CFAP299: variants seen among roughly 807,000 people sequenced by gnomAD.
The protein encoded by CFAP299 is cilia and flagella associated protein 299.
CFAP299 carries 21 observed loss-of-function variants against 27.0 expected under a neutral mutation model. The observed-to-expected ratio is 0.78, with a 90% confidence interval of 0.55 to 1.12. CFAP299 has a LOEUF of 1.12. Ranked by LOEUF, CFAP299 falls within the 50% of genes most tolerant of loss-of-function variation. CFAP299 has a pLI of 0.00. For synonymous variants in CFAP299, 104 were observed against 98.1 expected (o/e 1.06, Z -0.36); for missense variants, 310 against 276.6 (o/e 1.12, Z -0.86).
chr4:80,902,232 A>G (rs1216798919), intron 4 of CFAP299, among the ~76,000 whole-genome samples: 1 of 151,360 alleles, frequency 6.6e-6, no homozygotes, highest in East Asian at 1.9e-4. Context: ...ATGAAAATAA[A>G]GTCTATCCTG....
At chr4:80,782,079 C>A (rs576746462) in intron 3 of CFAP299, among the ~76,000 whole-genome samples, 1 of 152,166 alleles carries the variant, frequency 6.6e-6, no homozygotes, top group African/African-American at 2.4e-5. Flanking sequence ...CCCTTTTAGC[C>A]TATGTGTTCA....
intron 3 of CFAP299, among the ~76,000 whole-genome samples, chr4:80,765,300 G>A (rs1416463507): frequency 6.6e-6 from 1 of 152,126 alleles, no homozygotes; most frequent in Non-Finnish European, 1.5e-5. Flanking sequence ...TGCTGAAACA[G>A]TCTCAGGAAG....
intron 3 of CFAP299, among the ~76,000 whole-genome samples, chr4:80,638,769 A>G (rs541565568): frequency 6.6e-6 from 1 of 152,086 alleles, no homozygotes; most frequent in Non-Finnish European, 1.5e-5. Flanking sequence ...GCCTGCAGTC[A>G]CTCTTAGGTT....
At chr4:80,735,800 T>C (rs1459521295) in intron 3 of CFAP299, among the ~76,000 whole-genome samples, 2 of 152,200 alleles carry the variant, frequency 1.3e-5, no homozygotes, top group African/African-American at 4.8e-5. Context: ...TTGGTCATCA[T>C]GAATAATCTT....
At chr4:80,759,386 G>A (rs1725428749) in intron 3 of CFAP299, among the ~76,000 whole-genome samples, 1 of 152,146 alleles carries the variant, frequency 6.6e-6, no homozygotes, top group Non-Finnish European at 1.5e-5. Flanking sequence ...TGATTAAAGG[G>A]AAAGCTTTAA....
chr4:80,839,889 C>G (rs1730768929), intron 3 of CFAP299, among the ~76,000 whole-genome samples: 1 of 151,972 alleles, frequency 6.6e-6, no homozygotes, highest in South Asian at 2.1e-4. Flanking sequence ...CAAGAAATGA[C>G]CAGGGTTCTA....
At position 80,763,943 on chromosome 4, in the gene CFAP299, A is replaced by G. The variant is rs536196475; in HGVS notation, c.334-106050A>G. ...ACTGGACCCCTTCCTTATACCTTAT[A>G]CAAAAATTAAGTGAAGATGGATTAA... On this transcript the variant is annotated intron_variant, in intron 3 of 5. Coordinates refer to ENST00000358105, the MANE Select transcript of CFAP299 (RefSeq NM_152770.3). Among the ~76,000 whole-genome samples the G allele has an allele frequency of 4.5e-4, 69 of 152,356 alleles. 1 individual carries two copies. The highest frequency in any genetic ancestry group is 1.6e-3 in the African/African-American group (67 of 41,584).
intron 4 of CFAP299, among the ~76,000 whole-genome samples, chr4:80,925,622 T>G (rs1736269837): frequency 6.6e-6 from 1 of 152,010 alleles, no homozygotes; most frequent in African/African-American, 2.4e-5. Context: ...GGCAGATTAT[T>G]TGGTACAAGT....
At chr4:80,742,754 T>C (rs546935388) in intron 3 of CFAP299, among the ~76,000 whole-genome samples, 5 of 152,304 alleles carry the variant, frequency 3.3e-5, no homozygotes, top group South Asian at 2.1e-4. Context: ...GAGTGAGATG[T>C]AGAAGAGCAG....
chr4:80,858,831 A>G (rs1206548590), intron 3 of CFAP299, among the ~76,000 whole-genome samples: 4 of 152,048 alleles, frequency 2.6e-5, no homozygotes, highest in African/African-American at 9.7e-5. Flanking sequence ...ACTTCCAACT[A>G]TGTGGTCAAT....
At chr4:80,631,103 T>C (rs1739182024) in intron 3 of CFAP299, among the ~76,000 whole-genome samples, 1 of 152,106 alleles carries the variant, frequency 6.6e-6, no homozygotes, top group Admixed American at 6.5e-5. Flanking sequence ...TTCACATCAA[T>C]TGGCCCAGCC....
intron 2 of CFAP299, among the ~76,000 whole-genome samples, chr4:80,550,070 C>T (rs1011038343): frequency 6.6e-6 from 1 of 151,726 alleles, no homozygotes; most frequent in African/African-American, 2.4e-5. Context: ...TATCTTTGTA[C>T]TTCTAATATT....
chr4:80,349,078 G>A (rs1430742142), intron 1 of CFAP299, among the ~76,000 whole-genome samples: 2 of 152,170 alleles, frequency 1.3e-5, no homozygotes, highest in Non-Finnish European at 2.9e-5. Context: ...TGAAACGTCT[G>A]TCAGGTGCTC....
At chr4:80,602,998 C>A (rs975579403) in intron 3 of CFAP299, among the ~76,000 whole-genome samples, 1 of 151,960 alleles carries the variant, frequency 6.6e-6, no homozygotes, top group Admixed American at 6.6e-5. Flanking sequence ...GAGGTGCTGG[C>A]GGTGTGTGCC....
At chr4:80,578,353 T>C (rs7686715) in intron 2 of CFAP299, among the ~76,000 whole-genome samples, 95,520 of 152,046 alleles carry the variant, frequency 0.63, 33,416 homozygotes, top group Non-Finnish European at 0.78. Context: ...ATATTTCCTC[T>C]TGCTAAGAAG....
At chr4:80,481,528 T>A (rs1039054) in intron 2 of CFAP299, among the ~76,000 whole-genome samples, 1 of 151,960 alleles carries the variant, frequency 6.6e-6, no homozygotes, top group East Asian at 1.9e-4. Context: ...ATTTTGATAA[T>A]GTGGAATTTT....
At chr4:80,587,073 A>G (rs544586511) in intron 3 of CFAP299, among the ~76,000 whole-genome samples, 83 of 152,292 alleles carry the variant, frequency 5.5e-4, no homozygotes, top group Non-Finnish European at 9.6e-4. Context: ...GACCAATAAC[A>G]TTGTGCTGAC....
chr4:80,324,635 C>G, the CFAP299 span, among the ~76,000 whole-genome samples: 2 of 152,144 alleles, frequency 1.3e-5, no homozygotes, highest in Non-Finnish European at 2.9e-5. Flanking sequence ...TCTCGATGTT[C>G]TGTCATGGAA....
At chr4:80,405,577 C>A (rs1285726305) in intron 2 of CFAP299, among the ~76,000 whole-genome samples, 3 of 151,820 alleles carry the variant, frequency 2.0e-5, no homozygotes, top group Non-Finnish European at 4.4e-5. Flanking sequence ...AGGAAAAGAG[C>A]AAAAACACAT....
Sources: gnomAD v4.1 joint callset for allele counts (sites outside exome capture counted in the v4.1 genomes callset) on GRCh38, gnomAD v4.1.1 for gene constraint, MANE v1.5 for transcripts, NCBI Gene and HGNC (gene_info 2026-07-23, HGNC 2026-07-21) for gene names.